Variants in ABLIM2 observed in about 807,000 individuals in gnomAD.
The protein encoded by ABLIM2 is actin-binding LIM protein 2.
In ABLIM2, 53 loss-of-function variants were observed where a neutral mutation model predicts 97.7. That is an observed-to-expected ratio of 0.54 (90% CI 0.44 to 0.68). ABLIM2 has a LOEUF of 0.68. Among genes scored for constraint, ABLIM2 ranks in the 30% least tolerant of loss-of-function variants. ABLIM2 has a pLI of 0.00. For missense variants in ABLIM2, 835 were observed against 867.2 expected (o/e 0.96, Z 0.47); for synonymous variants, 361 against 345.8 (o/e 1.04, Z -0.49).
Position 8,058,318 on chromosome 4 carries a change from G to A in ABLIM2, c.763+2649C>T, listed in dbSNP as rs1459541000. On this transcript the variant is annotated intron_variant, in intron 7 of 20. Transcript: ENST00000447017. This position sits in a 1 kb window ranked among gnomAD's most constrained non-coding sequence, Gnocchi z 4.2. ...AGAGACTCAAGGAACAGGCGACACC[G>A]GGGACGAGGCTGTCCTGTCTGACAT... Among the ~76,000 whole-genome samples the A allele has an allele frequency of 4.6e-5, 7 of 152,328 alleles. No homozygotes were observed. Among genetic ancestry groups the A allele is most frequent in the South Asian group, 4.1e-4 (2 of 4,824 alleles).
rs747877462 is a variant in ABLIM2 at position 7,984,936 on chromosome 4, C to T, written c.1681-43G>A. On this transcript the variant is annotated intron_variant, in intron 17 of 20. Coordinates refer to ENST00000447017, the MANE Select transcript of ABLIM2 (RefSeq NM_001130083.2). ...GTTGGGCGGCAAGAGACAGGCGGCA[C>T]GAGGGTGTGTGGATGGGCAGGGACC... The T allele has an allele frequency of 1.1e-5, 18 of 1,592,364 alleles. No individual in the cohort carries two copies. In the African/African-American group the frequency reaches 1.2e-4, roughly 11 times the overall value.
At chr4:8,006,145 C>T (rs1214068752) in intron 16 of ABLIM2, among the ~76,000 whole-genome samples, 1 of 152,246 alleles carries the variant, frequency 6.6e-6, no homozygotes, top group Non-Finnish European at 1.5e-5. Context: ...TCCAGGGCAC[C>T]TACATTCTGG....
chr4:8,052,994 G>C (rs1797006434), intron 8 of ABLIM2, among the ~76,000 whole-genome samples: 1 of 152,208 alleles, frequency 6.6e-6, no homozygotes, highest in African/African-American at 2.4e-5. Context: ...GTGGGCCTTA[G>C]GGGTGTCCTC....
rs377620472 is a variant in ABLIM2, at chr4:8,097,244, G to T, written c.193C>A (p.Arg65=). 18 of 1,572,516 alleles carry T rather than the reference G, an allele frequency of 1.1e-5. No homozygotes were observed. Among genetic ancestry groups the T allele is most frequent in the Admixed American group, 3.7e-5 (2 of 53,490 alleles). ...CDLAEGGFFV[R]QGEYICTLDY... ...AGCGTGCAGATGTACTCGCCCTGCC[G>T]CACGAAGAAGCCGCCCTCGGCCAGG... The change falls in exon 3 of 21, where the codon CGG becomes AGG. Residue 65 remains arginine, a synonymous_variant. Transcript: ENST00000447017.
In ABLIM2 at chr4:8,127,570, A is replaced by G. The variant is rs1428339323; in HGVS notation, c.11-20933T>C. On this transcript the variant is annotated intron_variant, in intron 1 of 20. Coordinates refer to ENST00000447017, the MANE Select transcript of ABLIM2 (RefSeq NM_001130083.2). This position sits in a 1 kb window ranked among gnomAD's most constrained non-coding sequence, Gnocchi z 7.3. ...ACCTGTGTCTCCCCCTGGCACCCCC[A>G]TGGAGCGTGGCTGCTTGCAAAGGGC... 1 of 1,289,636 alleles carries G rather than the reference A, an allele frequency of 7.8e-7. No homozygotes were observed. The highest frequency in any genetic ancestry group is 1.0e-6 in the Non-Finnish European group (1 of 988,814). 79.9% of individuals were successfully genotyped at this position (1,289,636 alleles called of 1,614,324 possible).
intron 20 of ABLIM2, among the ~76,000 whole-genome samples, chr4:7,968,539 G>A (rs1296817530): frequency 6.6e-6 from 1 of 152,212 alleles, no homozygotes; most frequent in Non-Finnish European, 1.5e-5. Context: ...CAGCATGGAT[G>A]AGCCCCAAAC....
intron 10 of ABLIM2, among the ~76,000 whole-genome samples, chr4:8,034,741 G>A (rs1414450288): frequency 1.3e-5 from 1 of 79,362 alleles, no homozygotes; most frequent in African/African-American, 5.4e-5. Flanking sequence ...AGGTGGGTGG[G>A]TAGTAGGTAG....
At chr4:8,089,163 G>T (rs995417314) in intron 3 of ABLIM2, among the ~76,000 whole-genome samples, 1 of 152,220 alleles carries the variant, frequency 6.6e-6, no homozygotes, top group Non-Finnish European at 1.5e-5. Flanking sequence ...CCAGGTGAGG[G>T]ACCGCAGAGA....
chr4:7,991,256 G>C (rs1252208313), intron 17 of ABLIM2, among the ~76,000 whole-genome samples: 4 of 150,806 alleles, frequency 2.7e-5, no homozygotes, highest in African/African-American at 9.7e-5. Flanking sequence ...TGTGAGCCTA[G>C]AGAAGAACCT....
At chr4:8,031,043 G>A (rs577038365) in intron 10 of ABLIM2, among the ~76,000 whole-genome samples, 6 of 152,332 alleles carry the variant, frequency 3.9e-5, no homozygotes, top group East Asian at 1.9e-4. Context: ...AGAAGATTCC[G>A]GTTCTCCAAA....
chr4:8,000,539 G>A (rs1756409674), intron 16 of ABLIM2, among the ~76,000 whole-genome samples: 1 of 152,158 alleles, frequency 6.6e-6, no homozygotes, highest in Non-Finnish European at 1.5e-5. Context: ...GGCTGGGATT[G>A]AATTGTGGGT....
chr4:8,114,904 G>T (rs2386117), intron 1 of ABLIM2, among the ~76,000 whole-genome samples: 3 of 151,896 alleles, frequency 2.0e-5, no homozygotes, highest in Admixed American at 1.3e-4. Context: ...CTCCTCCCGG[G>T]GCCCACCCAG....
At position 8,068,917 on chromosome 4, in the gene ABLIM2, G is replaced by A. The variant is rs1809856923; in HGVS notation, c.676-7863C>T. Among the ~76,000 whole-genome samples, 1 of 152,274 alleles carries A rather than the reference G, an allele frequency of 6.6e-6. No homozygotes were observed. The highest frequency in any genetic ancestry group is 1.5e-5 in the Non-Finnish European group (1 of 68,046). On this transcript the variant is annotated intron_variant, in intron 6 of 20. Coordinates refer to ENST00000447017, the MANE Select transcript of ABLIM2 (RefSeq NM_001130083.2). The surrounding 1 kb of genome is among the most constrained non-coding windows in gnomAD (Gnocchi z 4.5). ...ACAAAGAAACAAATGAAAGCTGTGA[G>A]CAGGGGATCCCCCTGGGGGTGTTTG...
At position 8,075,026 on chromosome 4, in the gene ABLIM2, C is replaced by T. The variant is rs570005184; in HGVS notation, c.675+2602G>A. ...GTCTTGAACTCCTGACCTCGTGATC[C>T]GCCTGCCTCAGCCTCCCAAAGTGCT... On this transcript the variant is annotated intron_variant, in intron 6 of 20. Coordinates refer to ENST00000447017, the MANE Select transcript of ABLIM2 (RefSeq NM_001130083.2). This position sits in a 1 kb window ranked among gnomAD's most constrained non-coding sequence, Gnocchi z 4.4. Among the ~76,000 whole-genome samples, 171 of 152,230 alleles carry T rather than the reference C, an allele frequency of 1.1e-3. 1 individual carries two copies. Among genetic ancestry groups the T allele is most frequent in the African/African-American group, 3.8e-3 (159 of 41,546 alleles).
chr4:8,038,316 C>G (rs1385360912), intron 9 of ABLIM2, among the ~76,000 whole-genome samples: 1 of 152,222 alleles, frequency 6.6e-6, no homozygotes, highest in Non-Finnish European at 1.5e-5. Flanking sequence ...AGCCCATGCT[C>G]CCCACCACAG....
rs1448049262 is a variant in ABLIM2, at chr4:7,989,342, G to C, written c.1680+3524C>G. 4 of 935,036 alleles carry C rather than the reference G, an allele frequency of 4.3e-6. No individual in the cohort carries two copies. The African/African-American group carries it at 5.3e-5, about 12-fold the overall frequency. The allele number at this position is 935,036 out of a possible 1,614,324, so 57.9% of individuals were successfully genotyped here. ...GATCCACCCACCTCGGCCTCGCAGAGTGCTGGGATTATAGGCCTGAACCAC... is the reference window on the plus strand; with the variant it reads ...GATCCACCCACCTCGGCCTCGCAGACTGCTGGGATTATAGGCCTGAACCAC... On this transcript the variant is annotated intron_variant, in intron 17 of 20. Transcript: ENST00000447017.
rs35890343 is a variant in ABLIM2 at position 8,095,084 on chromosome 4, C to CTCTT, written c.338+2011_338+2014dup. On this transcript the variant is annotated intron_variant, in intron 3 of 20. Transcript: ENST00000447017. The surrounding 1 kb of genome is among the most constrained non-coding windows in gnomAD (Gnocchi z 4.7). ...TCTCTTTCTTTCTTTCTCTCTCTCT[C>CTCTT]TCTTTCTTTCTTTCTCTTTCCTTTT... 5.4e-5 allele frequency among the ~76,000 whole-genome samples: 8 copies of CTCTT among 147,648 alleles called. No individual in the cohort carries two copies. The highest frequency in any genetic ancestry group is 1.0e-4 in the Non-Finnish European group (7 of 67,348).
intron 2 of ABLIM2, among the ~76,000 whole-genome samples, chr4:8,101,268 A>C (rs923826862): frequency 6.6e-6 from 1 of 152,100 alleles, no homozygotes; most frequent in African/African-American, 2.4e-5. Flanking sequence ...TAACAGGGGG[A>C]TGAGGCAGAC....
chr4:8,056,531 G>C (rs1007186006), intron 7 of ABLIM2, among the ~76,000 whole-genome samples: 3 of 151,738 alleles, frequency 2.0e-5, no homozygotes, highest in Non-Finnish European at 4.4e-5. Flanking sequence ...AAACTCCTGG[G>C]CTCAAGCAAT....
Sources: allele counts gnomAD v4.1 joint callset (sites outside exome capture counted in the v4.1 genomes callset), GRCh38; gene constraint gnomAD v4.1.1; non-coding constraint Gnocchi (gnomAD v3.1); transcripts MANE v1.5; gene names NCBI Gene and HGNC (gene_info 2026-07-23, HGNC 2026-07-21).